The following SMIM31 variants were observed in gnomAD, a reference collection of about 807,000 sequenced individuals.
SMIM31 encodes the protein small integral membrane protein 31.
intron 2 of SMIM31, among the ~76,000 whole-genome samples, chr4:164,789,864 C>A (rs1186086379): frequency 1.3e-5 from 2 of 152,222 alleles, no homozygotes; most frequent in Middle Eastern, 3.4e-3. Context: ...TCTCTTAGAT[C>A]TCTTAGTTAT....
At chr4:164,771,584 G>A (rs555745047) in intron 2 of SMIM31, among the ~76,000 whole-genome samples, 30 of 151,836 alleles carry the variant, frequency 2.0e-4, no homozygotes, top group South Asian at 4.2e-4. Flanking sequence ...GGCGGATCAC[G>A]AGGTCAGGAG....
intron 1 of SMIM31, 140 bp downstream of exon 1, chr4:164,754,551 A>ATTTTTTTTTTTTTTT (rs57916805): frequency 1.3e-4 from 7 of 55,624 alleles, no homozygotes; most frequent in African/African-American, 2.4e-4. Flanking sequence ...TCCTGGAGGT[A>ATTTTTTTTTTTTTTT]TTTTTTTTTT....
intron 2 of SMIM31, among the ~76,000 whole-genome samples, chr4:164,779,867 CA>C (rs1732924615): frequency 1.3e-5 from 2 of 152,252 alleles, no homozygotes; most frequent in South Asian, 4.1e-4. Context: ...GTGGAGACAG[CA>C]AATTTTGAGA....
chr4:164,789,511 G>A (rs1733072925), intron 2 of SMIM31, among the ~76,000 whole-genome samples: 1 of 152,132 alleles, frequency 6.6e-6, no homozygotes, highest in Admixed American at 6.5e-5. Flanking sequence ...TCCACTCTAA[G>A]AGAAAATTCA....
intron 1 of SMIM31, among the ~76,000 whole-genome samples, chr4:164,756,946 G>A (rs1732570274): frequency 6.6e-6 from 1 of 152,066 alleles, no homozygotes; most frequent in Non-Finnish European, 1.5e-5. Flanking sequence ...ACCCAGAAGT[G>A]GAACTTCTAG....
intron 2 of SMIM31, among the ~76,000 whole-genome samples, chr4:164,781,662 C>A (rs1252750728): frequency 6.6e-6 from 1 of 152,176 alleles, no homozygotes; most frequent in African/African-American, 2.4e-5. Context: ...CAACCCACCT[C>A]GTTGTGGCAA....
chr4:164,766,384 A>G (rs1732720801), intron 1 of SMIM31, among the ~76,000 whole-genome samples: 1 of 152,154 alleles, frequency 6.6e-6, no homozygotes, highest in Admixed American at 6.5e-5. Context: ...ATGGTCACTC[A>G]GTGAATACTT....
At chr4:164,758,877 C>G (rs1158271811) in intron 1 of SMIM31, among the ~76,000 whole-genome samples, 1 of 128,022 alleles carries the variant, frequency 7.8e-6, no homozygotes, top group Non-Finnish European at 1.6e-5. Flanking sequence ...ACCGTGTTAG[C>G]CAGGATGGTC....
chr4:164,771,485 T>C (rs1579064563), intron 2 of SMIM31, among the ~76,000 whole-genome samples: 1 of 152,322 alleles, frequency 6.6e-6, no homozygotes, highest in East Asian at 1.9e-4. Flanking sequence ...ACCTTGGTTC[T>C]TTCCATCTTC....
At chr4:164,767,890 T>C (rs1006248930) in intron 1 of SMIM31, among the ~76,000 whole-genome samples, 4 of 152,176 alleles carry the variant, frequency 2.6e-5, no homozygotes, top group Non-Finnish European at 4.4e-5. Context: ...AAGACCATTA[T>C]TTTGCGTTTA....
chr4:164,779,409 C>T (rs554881029), intron 2 of SMIM31, among the ~76,000 whole-genome samples: 1 of 152,282 alleles, frequency 6.6e-6, no homozygotes, highest in African/African-American at 2.4e-5. Flanking sequence ...GCTTCTTCTT[C>T]GTAAAAGTGA....
chr4:164,772,574 AT>A (rs1313487284), intron 2 of SMIM31, among the ~76,000 whole-genome samples: 10 of 81,694 alleles, frequency 1.2e-4, no homozygotes, highest in African/African-American at 3.7e-4. Context: ...TATTTTTTTT[AT>A]TTTTATTTTA....
At chr4:164,769,757 A>C (rs79889841) in intron 1 of SMIM31, among the ~76,000 whole-genome samples, 1,734 of 145,300 alleles carry the variant, frequency 0.012, 27 homozygotes, top group African/African-American at 0.04. Context: ...AAAAAAAAAA[A>C]CTCCTCTCCA....
intron 2 of SMIM31, among the ~76,000 whole-genome samples, chr4:164,795,359 G>T (rs1733175807): frequency 6.6e-6 from 1 of 151,936 alleles, no homozygotes; most frequent in African/African-American, 2.4e-5. Flanking sequence ...GGAGTTCGAG[G>T]CCAGCCTGGC....
chr4:164,765,500 C>T (rs1210181442), intron 1 of SMIM31, among the ~76,000 whole-genome samples: 1 of 152,010 alleles, frequency 6.6e-6, no homozygotes, highest in Non-Finnish European at 1.5e-5. Context: ...GACAGAACCA[C>T]CCTCCTACAG....
intron 2 of SMIM31, among the ~76,000 whole-genome samples, chr4:164,781,806 T>G (rs1343021074): frequency 6.6e-6 from 1 of 152,128 alleles, no homozygotes; most frequent in Non-Finnish European, 1.5e-5. Context: ...TATGTAACAT[T>G]GTGGAAAAGG....
At chr4:164,797,977 C>T (rs1237487239) in intron 2 of SMIM31, among the ~76,000 whole-genome samples, 1 of 152,136 alleles carries the variant, frequency 6.6e-6, no homozygotes, top group African/African-American at 2.4e-5. Flanking sequence ...TAAGTGAGAA[C>T]ATACAGTATT....
intron 1 of SMIM31, among the ~76,000 whole-genome samples, chr4:164,769,431 C>T (rs1732763313): frequency 6.6e-6 from 1 of 151,804 alleles, no homozygotes; most frequent in African/African-American, 2.4e-5. Flanking sequence ...ATGATGAGTT[C>T]ATGTCCTTTG....
intron 1 of SMIM31, among the ~76,000 whole-genome samples, chr4:164,757,773 CTATT>C (rs1315073876): frequency 1.3e-5 from 2 of 151,900 alleles, no homozygotes; most frequent in East Asian, 3.9e-4. Context: ...TGCTACTAAT[CTATT>C]TGTCACCACT....
Sources: allele counts gnomAD v4.1 joint callset (sites outside exome capture counted in the v4.1 genomes callset), GRCh38; gene constraint gnomAD v4.1.1; transcripts MANE v1.5; gene names NCBI Gene and HGNC (gene_info 2026-07-23, HGNC 2026-07-21).